Variants in PTPRD observed in about 807,000 individuals in gnomAD.
PTPRD encodes the protein receptor-type tyrosine-protein phosphatase delta.
Under a neutral mutation model 214.5 loss-of-function variants are expected in PTPRD, and 34 were observed. The observed-to-expected ratio is 0.16, with a 90% CI of 0.12 to 0.21. The LOEUF (loss-of-function observed/expected upper bound fraction) is 0.21. PTPRD is among the 10% of genes least tolerant of loss of function. PTPRD has a pLI of 1.00. For missense variants in PTPRD, 2,545 were observed against 2,398.7 expected, an observed-to-expected ratio of 1.06 and a Z score of -1.27; for synonymous variants, 1,128 against 845.7, an observed-to-expected ratio of 1.33 and a Z score of -5.79.
chr9:8,331,092 TATAGCAACAA>T (rs1563988131), intron 44 of PTPRD, among the ~76,000 whole-genome samples: 5 of 137,696 alleles, frequency 3.6e-5, no homozygotes, highest in African/African-American at 1.6e-4. Flanking sequence ...CATTTTCTGA[TATAGCAACAA>T]TTTTCAAGCA....
intron 35 of PTPRD, among the ~76,000 whole-genome samples, chr9:8,423,873 G>C (rs1450691637): frequency 1.3e-5 from 2 of 151,958 alleles, no homozygotes; most frequent in Non-Finnish European, 2.9e-5. Flanking sequence ...GTCAAAGGCA[G>C]TCACTATAAT....
chr9:8,900,713 GAC>G (rs1326198189), intron 11 of PTPRD, among the ~76,000 whole-genome samples: 1 of 152,144 alleles, frequency 6.6e-6, no homozygotes, highest in Non-Finnish European at 1.5e-5. Flanking sequence ...TGCTGAGAAA[GAC>G]AGTCTTGTTT....
At chr9:9,974,665 A>C (rs1316943106) in intron 4 of PTPRD, among the ~76,000 whole-genome samples, 1 of 152,086 alleles carries the variant, frequency 6.6e-6, no homozygotes, top group Non-Finnish European at 1.5e-5. Context: ...CCTCCTTAAA[A>C]CACTTCCATA....
chr9:10,133,992 T>A (rs989174829), intron 3 of PTPRD, among the ~76,000 whole-genome samples: 1 of 152,142 alleles, frequency 6.6e-6, no homozygotes, highest in African/African-American at 2.4e-5. Context: ...AAAACTAGTA[T>A]GTAAAATGGG....
chr9:9,399,018 C>T (rs1332798), intron 8 of PTPRD, among the ~76,000 whole-genome samples: 37,306 of 151,850 alleles, frequency 0.25, 4,827 homozygotes, highest in Middle Eastern at 0.29. Context: ...TCTTCAGGGC[C>T]CACAACCACT....
intron 5 of PTPRD, among the ~76,000 whole-genome samples, chr9:9,795,688 G>A (rs1390799219): frequency 6.6e-6 from 1 of 151,938 alleles, no homozygotes; most frequent in Non-Finnish European, 1.5e-5. Context: ...TTTGTGGTAG[G>A]ACAAAAACCT....
At chr9:10,572,406 T>C (rs1463246648) in intron 2 of PTPRD, among the ~76,000 whole-genome samples, 4 of 152,300 alleles carry the variant, frequency 2.6e-5, no homozygotes, top group East Asian at 1.9e-4. Context: ...TTGACCATCA[T>C]TGTCTTCTGG....
chr9:8,640,041 C>A (rs995906038), intron 12 of PTPRD, among the ~76,000 whole-genome samples: 2 of 152,158 alleles, frequency 1.3e-5, no homozygotes, highest in East Asian at 3.9e-4. Flanking sequence ...GTCAGTCCTC[C>A]CACCTTAGCA....
At chr9:9,390,146 T>C (rs900747009) in intron 9 of PTPRD, among the ~76,000 whole-genome samples, 5 of 152,028 alleles carry the variant, frequency 3.3e-5, no homozygotes, top group Admixed American at 6.6e-5. Context: ...CTGACATTGG[T>C]TGGGGATTCC....
chr9:9,044,214 G>T (rs1455033753), intron 10 of PTPRD, among the ~76,000 whole-genome samples: 2 of 152,202 alleles, frequency 1.3e-5, no homozygotes, highest in African/African-American at 2.4e-5. Flanking sequence ...AGGAATGGCA[G>T]AAAAGTGTTA....
At chr9:10,587,454 A>G (rs1028986073) in intron 2 of PTPRD, among the ~76,000 whole-genome samples, 2 of 152,128 alleles carry the variant, frequency 1.3e-5, no homozygotes, top group Non-Finnish European at 2.9e-5. Context: ...CATAAGAGTG[A>G]AAATTAATAA....
intron 3 of PTPRD, among the ~76,000 whole-genome samples, chr9:10,326,080 TATATAA>T (rs1041423680): frequency 3.3e-5 from 5 of 151,788 alleles, no homozygotes; most frequent in African/African-American, 1.2e-4. Flanking sequence ...TTTTCTTTTT[TATATAA>T]ATATATTCAC....
chr9:8,993,533 G>A (rs1011483389), intron 11 of PTPRD, among the ~76,000 whole-genome samples: 3 of 152,020 alleles, frequency 2.0e-5, no homozygotes, highest in Non-Finnish European at 4.4e-5. Context: ...AGCAATATGA[G>A]CCATATGATC....
intron 8 of PTPRD, among the ~76,000 whole-genome samples, chr9:9,435,934 T>C (rs1211240931): frequency 6.6e-6 from 1 of 152,190 alleles, no homozygotes; most frequent in Admixed American, 6.5e-5. Context: ...GTGTATGTAT[T>C]AGAAACTTCT....
At chr9:10,310,427 A>G (rs537633746) in intron 3 of PTPRD, among the ~76,000 whole-genome samples, 122 of 152,200 alleles carry the variant, frequency 8.0e-4, no homozygotes, top group African/African-American at 2.8e-3. Context: ...ATTATTAGTC[A>G]TGCCTATTTT....
intron 5 of PTPRD, among the ~76,000 whole-genome samples, chr9:9,840,622 G>T (rs2058057432): frequency 6.6e-6 from 1 of 151,944 alleles, no homozygotes; most frequent in African/African-American, 2.4e-5. Flanking sequence ...AATTAGCTGG[G>T]CGTGGTGGCG....
At chr9:8,500,364 C>G (rs536703356) in intron 24 of PTPRD, among the ~76,000 whole-genome samples, 2 of 149,590 alleles carry the variant, frequency 1.3e-5, no homozygotes, top group Admixed American at 1.3e-4. Flanking sequence ...ATATGTAAGA[C>G]AAAAAGGCAA....
chr9:9,637,388 G>C (rs1362080590), intron 7 of PTPRD, among the ~76,000 whole-genome samples: 1 of 152,182 alleles, frequency 6.6e-6, no homozygotes, highest in African/African-American at 2.4e-5. Flanking sequence ...AAATATGATG[G>C]TAAAACAAGC....
chr9:8,761,818 G>A (rs1023830088), intron 11 of PTPRD, among the ~76,000 whole-genome samples: 7 of 152,160 alleles, frequency 4.6e-5, no homozygotes, highest in African/African-American at 1.2e-4. Context: ...TTCTGCCACA[G>A]TAGTGGAAGA....
Sources: gnomAD v4.1 joint callset for allele counts (sites outside exome capture counted in the v4.1 genomes callset) on GRCh38, gnomAD v4.1.1 for gene constraint, MANE v1.5 for transcripts, NCBI Gene and HGNC (gene_info 2026-07-23, HGNC 2026-07-21) for gene names.